The following RBFOX1 variants were observed in gnomAD, a reference collection of about 807,000 sequenced individuals.
The protein encoded by RBFOX1 is RNA binding fox-1 homolog 1.
In RBFOX1, 8 loss-of-function variants were observed where a neutral mutation model predicts 57.7. The ratio of observed to expected loss-of-function variants is 0.14; its 90% CI spans 0.08 to 0.25. The LOEUF (loss-of-function observed/expected upper bound fraction) is 0.25. Ranked by LOEUF, RBFOX1 falls within the 10% of genes least tolerant of loss-of-function variation. RBFOX1 has a pLI of 1.00. For synonymous variants in RBFOX1, 326 were observed against 222.4 expected, an observed-to-expected ratio of 1.47 and a Z score of -4.15; for missense variants, 611 against 548.5, an observed-to-expected ratio of 1.11 and a Z score of -1.14.
chr16:7,254,976 CCA>C (rs1014231422), intron 4 of RBFOX1, among the ~76,000 whole-genome samples: 6 of 152,140 alleles, frequency 3.9e-5, no homozygotes, highest in African/African-American at 1.4e-4. Context: ...AAGGTGTTTT[CCA>C]CAGTTTTCTT....
intron 3 of RBFOX1, among the ~76,000 whole-genome samples, chr16:6,845,126 G>A (rs529182071): frequency 3.5e-5 from 5 of 140,980 alleles, no homozygotes; most frequent in African/African-American, 1.0e-4. Context: ...GCCATTCTGT[G>A]GGTTGTCTGT....
intron 4 of RBFOX1, among the ~76,000 whole-genome samples, chr16:5,869,316 C>T (rs1422580358): frequency 6.6e-6 from 1 of 152,172 alleles, no homozygotes; most frequent in Non-Finnish European, 1.5e-5. Flanking sequence ...TCCCCAGACA[C>T]ATTCTTATAT....
intron 5 of RBFOX1, among the ~76,000 whole-genome samples, chr16:7,539,018 A>C (rs1450228234): frequency 6.6e-6 from 1 of 152,126 alleles, no homozygotes; most frequent in East Asian, 1.9e-4. Flanking sequence ...TGAGAGTAGA[A>C]GCTGCATATC....
intron 3 of RBFOX1, among the ~76,000 whole-genome samples, chr16:5,713,367 G>A (rs534171452): frequency 3.3e-5 from 5 of 152,274 alleles, no homozygotes; most frequent in Admixed American, 6.5e-5. Flanking sequence ...ATTAAGGGGC[G>A]TTTAAGAGCT....
rs1038429774 is a variant in RBFOX1 at position 6,561,570 on chromosome 16, G to A, written c.-63-93033G>A. Among the ~76,000 whole-genome samples, 12 of 152,176 alleles carry A rather than the reference G, an allele frequency of 7.9e-5. No individual in the cohort carries two copies. In the East Asian group the frequency reaches 1.7e-3, roughly 22 times the overall value. ...GAAGATGTGTGATTTTTAGAAGGGC[G>A]AGGGGTTGTCATGTAGAACAAACCA... On this transcript the variant is annotated intron_variant, in intron 2 of 15. Transcript: ENST00000550418.
intron 2 of RBFOX1, among the ~76,000 whole-genome samples, chr16:6,472,514 T>A (rs908311492): frequency 6.6e-6 from 1 of 152,322 alleles, no homozygotes; most frequent in East Asian, 1.9e-4. Context: ...GGTGACATAC[T>A]GCTGACATCT....
At chr16:7,607,264 T>C in intron 9 of RBFOX1, 21 bp from the exon 10 acceptor site, 1 of 1,601,098 alleles carries the variant, frequency 6.2e-7, no homozygotes, top group Non-Finnish European at 8.5e-7. Flanking sequence ...GATAATAATG[T>C]TTTTGTGTAT....
At chr16:7,241,395 T>C (rs755298121) in intron 4 of RBFOX1, among the ~76,000 whole-genome samples, 11 of 152,214 alleles carry the variant, frequency 7.2e-5, no homozygotes, top group Admixed American at 2.6e-4. Context: ...ATTAGGGGAT[T>C]TGCAGTTCAA....
At chr16:6,897,248 C>G (rs1446842383) in intron 3 of RBFOX1, among the ~76,000 whole-genome samples, 1 of 152,160 alleles carries the variant, frequency 6.6e-6, no homozygotes, top group African/African-American at 2.4e-5. Flanking sequence ...ATTTGCATTC[C>G]CCGTCTTTAC....
At chr16:7,513,815 C>T (rs574523679) in intron 4 of RBFOX1, among the ~76,000 whole-genome samples, 2 of 152,160 alleles carry the variant, frequency 1.3e-5, no homozygotes, top group Non-Finnish European at 2.9e-5. Flanking sequence ...CATAAGCCCA[C>T]TTATGCAGAT....
intron 1 of RBFOX1, among the ~76,000 whole-genome samples, chr16:5,345,322 C>T (rs1028824930): frequency 6.6e-6 from 1 of 152,204 alleles, no homozygotes; most frequent in Non-Finnish European, 1.5e-5. Context: ...CATGCCCTTA[C>T]CCTTTTCCCC....
At chr16:6,751,393 G>C (rs527413307) in intron 3 of RBFOX1, among the ~76,000 whole-genome samples, 4 of 152,202 alleles carry the variant, frequency 2.6e-5, no homozygotes, top group African/African-American at 9.6e-5. Flanking sequence ...AGAGGAACTA[G>C]CTAGGAAGTT....
chr16:7,553,095 T>G (rs1305181923), intron 5 of RBFOX1, among the ~76,000 whole-genome samples: 1 of 152,156 alleles, frequency 6.6e-6, no homozygotes, highest in Non-Finnish European at 1.5e-5. Context: ...CTCCTTCCTT[T>G]TTTCCCCTTC....
chr16:7,335,917 C>G (rs1217647621), intron 4 of RBFOX1, among the ~76,000 whole-genome samples: 1 of 152,180 alleles, frequency 6.6e-6, no homozygotes, highest in Non-Finnish European at 1.5e-5. Context: ...GAGAATTCAG[C>G]TGAACCTGTC....
chr16:6,527,216 A>G (rs2096593251), intron 2 of RBFOX1, among the ~76,000 whole-genome samples: 1 of 152,180 alleles, frequency 6.6e-6, no homozygotes, highest in South Asian at 2.1e-4. Context: ...CTCTGACTCC[A>G]CATTTCCCTT....
chr16:5,907,764 ATTT>A (rs373829948), intron 4 of RBFOX1, among the ~76,000 whole-genome samples: 6,072 of 142,648 alleles, frequency 0.043, 414 homozygotes, highest in African/African-American at 0.15. Context: ...CATCATCATC[ATTT>A]GAGATGGCAT....
intron 14 of RBFOX1, among the ~76,000 whole-genome samples, chr16:7,681,798 C>T (rs954295237): frequency 6.6e-6 from 1 of 151,960 alleles, no homozygotes; most frequent in Non-Finnish European, 1.5e-5. Context: ...ACATGCAAAG[C>T]AGACAAAGGG....
At chr16:7,045,644 G>C (rs2047652909) in intron 3 of RBFOX1, among the ~76,000 whole-genome samples, 1 of 149,392 alleles carries the variant, frequency 6.7e-6, no homozygotes, top group Admixed American at 6.7e-5. Flanking sequence ...TATTAATCTT[G>C]TTATATACTT....
At chr16:6,621,261 A>C (rs747485692) in intron 2 of RBFOX1, among the ~76,000 whole-genome samples, 6 of 152,098 alleles carry the variant, frequency 3.9e-5, no homozygotes, top group Non-Finnish European at 7.4e-5. Context: ...GGAGATGGAG[A>C]GTATCTTGGC....
Sources: allele counts gnomAD v4.1 joint callset (sites outside exome capture counted in the v4.1 genomes callset), GRCh38; gene constraint gnomAD v4.1.1; transcripts MANE v1.5; gene names NCBI Gene and HGNC (gene_info 2026-07-23, HGNC 2026-07-21).